Variants in ST7L observed in about 807,000 individuals in gnomAD.
The protein encoded by ST7L is suppression of tumorigenicity 7 like.
In ST7L, 57 loss-of-function variants were observed where a neutral mutation model predicts 72.5. The ratio of observed to expected loss-of-function variants is 0.79; its 90% CI spans 0.64 to 0.98. The LOEUF is 0.98. Ranked by LOEUF, ST7L falls within the 50% of genes least tolerant of loss-of-function variation. The pLI is 0.00. For synonymous variants in ST7L, 221 were observed against 240.9 expected (o/e 0.92, Z 0.77); for missense variants, 576 against 672.2 (o/e 0.86, Z 1.58).
chr1:112,606,740 T>C (rs907558698), intron 3 of ST7L, among the ~76,000 whole-genome samples: 1 of 152,190 alleles, frequency 6.6e-6, no homozygotes, highest in African/African-American at 2.4e-5. Context: ...AAGATCAAGG[T>C]ACTAGAATGG....
At chr1:112,517,850 A>C in the ST7L span, 1 of 156,968 alleles carries the variant, frequency 6.4e-6, no homozygotes, top group Admixed American at 6.1e-5. Context: ...AAAAAAAGAA[A>C]CTAGAATTTA....
In ST7L at chr1:112,556,010, T is replaced by C. The variant is rs147088002; in HGVS notation, c.1254A>G (p.Leu418=). Residue 418 remains leucine (L), a synonymous_variant, in exon 12 of 15, where the codon TTA becomes TTG. Transcript: ENST00000358039. ...EFNPHVPKYL[L]EMKSLILPPE... Reference sequence around the variant, plus strand: ...GAGGTAAAATTAAACTTTTCATCTCTAATAAATACTGAAAGAGTAACACAC... The same window carrying C: ...GAGGTAAAATTAAACTTTTCATCTCCAATAAATACTGAAAGAGTAACACAC... 7.4e-5 allele frequency: 118 copies of C among 1,598,106 alleles called. No homozygotes were observed. The African/African-American group carries it at 1.3e-3, about 17-fold the overall frequency.
rs760263059 is a variant in ST7L, at chr1:112,577,691, A to C, written c.1143-603T>G. Among the ~76,000 whole-genome samples, 24 of 152,172 alleles carry C rather than the reference A, an allele frequency of 1.6e-4. 1 individual carries two copies. The highest frequency in any genetic ancestry group is 4.8e-5 in the African/African-American group (2 of 41,448). On this transcript the variant is annotated intron_variant, in intron 10 of 14. Transcript: ENST00000358039. ...GGAAAGGTAATAAAGTAATAAATGC[A>C]ACACAGTGATATCCAGAGAATCTCA...
Position 112,578,435 on chromosome 1 carries a change from A to C in ST7L, c.1070-18T>G. On this transcript the variant is annotated intron_variant, in intron 9 of 14. Transcript: ENST00000358039. ...GCTTATATCTGTAACGATAATTTTCAATTTAGGTAGGAATTACAAAAAAGG... is the reference window on the plus strand; with the variant it reads ...GCTTATATCTGTAACGATAATTTTCCATTTAGGTAGGAATTACAAAAAAGG... The C allele has an allele frequency of 1.9e-6, 3 of 1,611,286 alleles. No homozygotes were observed. The highest frequency in any genetic ancestry group is 2.5e-6 in the Non-Finnish European group (3 of 1,177,554).
intron 5 of ST7L, among the ~76,000 whole-genome samples, chr1:112,597,129 A>C (rs1447527378): frequency 6.6e-6 from 1 of 152,248 alleles, no homozygotes; most frequent in Non-Finnish European, 1.5e-5. Context: ...TAAATTAACT[A>C]AAGTTACTTC....
rs1225551076 is a variant in ST7L at position 112,578,328 on chromosome 1, G to A, written c.1142+17C>T. 5.0e-6 allele frequency: 8 copies of A among 1,610,006 alleles called. No homozygotes were observed. Among genetic ancestry groups the A allele is most frequent in the Non-Finnish European group, 6.0e-6 (7 of 1,176,418 alleles). ...TTAGCAGTCTTTCCAAATCATTGTA[G>A]TTTTTATAACACGTACTTTTCTGAA... On this transcript the variant is annotated intron_variant, in intron 10 of 14. Transcript: ENST00000358039.
intron 12 of ST7L, among the ~76,000 whole-genome samples, chr1:112,553,233 AACAC>A (rs71584746): frequency 6.0e-5 from 9 of 149,436 alleles, no homozygotes; most frequent in African/African-American, 9.9e-5. Flanking sequence ...CTTTTCTTTA[AACAC>A]ACACACACAC....
intron 11 of ST7L, among the ~76,000 whole-genome samples, chr1:112,568,865 T>TAAATATAA (rs1205660972): frequency 5.5e-5 from 5 of 91,186 alleles, no homozygotes; most frequent in African/African-American, 1.4e-4. Flanking sequence ...AATATAAATA[T>TAAATATAA]ATATATATAT....
At chr1:112,589,572 A>T (rs1213012637) in intron 6 of ST7L, among the ~76,000 whole-genome samples, 1 of 152,186 alleles carries the variant, frequency 6.6e-6, no homozygotes, top group African/African-American at 2.4e-5. Context: ...ACTTTTCTGA[A>T]CCAATTTTAT....
At chr1:112,541,766 A>C in intron 14 of ST7L, 185 bp downstream of exon 14, 1 of 1,311,214 alleles carries the variant, frequency 7.6e-7, no homozygotes, top group Non-Finnish European at 9.7e-7. Flanking sequence ...TTTAAGCAAC[A>C]GAAGTAGCTC....
chr1:112,587,387 A>C (rs1354898999), intron 6 of ST7L, among the ~76,000 whole-genome samples: 1 of 152,146 alleles, frequency 6.6e-6, no homozygotes, highest in Non-Finnish European at 1.5e-5. Context: ...GGATCACCTG[A>C]TGTCAGGAGT....
chr1:112,564,991 C>G (rs991260122), intron 11 of ST7L, among the ~76,000 whole-genome samples: 1 of 151,552 alleles, frequency 6.6e-6, no homozygotes, highest in Admixed American at 6.6e-5. Context: ...ACTTTCTTGG[C>G]AGCATAACAC....
At chr1:112,547,338 G>A (rs535763824) in intron 13 of ST7L, among the ~76,000 whole-genome samples, 4 of 151,658 alleles carry the variant, frequency 2.6e-5, no homozygotes, top group Admixed American at 6.6e-5. Context: ...GATTACAGGC[G>A]CAAGCCACCA....
intron 6 of ST7L, among the ~76,000 whole-genome samples, 176 bp from the exon 7 acceptor site, chr1:112,584,302 T>G (rs1664552495): frequency 6.6e-6 from 1 of 152,124 alleles, no homozygotes; most frequent in East Asian, 1.9e-4. Flanking sequence ...ATATTCTTTA[T>G]GTCTGATTCC....
chr1:112,617,004 C>T, intron 1 of ST7L, 109 bp from the exon 2 acceptor site: 1 of 676,750 alleles, frequency 1.5e-6, no homozygotes, highest in South Asian at 1.8e-5. Context: ...GTATTAATAT[C>T]TAGTGTGAAA....
chr1:112,572,828 C>T (rs1023856425), intron 11 of ST7L, among the ~76,000 whole-genome samples: 1 of 151,126 alleles, frequency 6.6e-6, no homozygotes. Context: ...AGAAGAAAGA[C>T]GAAAATTACA....
upstream of ST7L, chr1:112,619,650 C>T: frequency 1.7e-6 from 1 of 591,698 alleles, no homozygotes; most frequent in African/African-American, 1.9e-5. Flanking sequence ...TCACCTAAGG[C>T]AAACCCTACT....
chr1:112,545,826 T>A (rs1032382520), intron 13 of ST7L, among the ~76,000 whole-genome samples: 1 of 152,186 alleles, frequency 6.6e-6, no homozygotes, highest in African/African-American at 2.4e-5. Flanking sequence ...ACAGTTTTCC[T>A]TAGTGATTTC....
At chr1:112,582,512 TGTA>T in intron 7 of ST7L, 40 bp from the exon 8 acceptor site, 8 of 1,239,504 alleles carry the variant, frequency 6.5e-6, no homozygotes, top group Non-Finnish European at 9.3e-6. Context: ...CTATCACTTT[TGTA>T]TTGTGGGCTG....
Sources: gnomAD v4.1 joint callset for allele counts (sites outside exome capture counted in the v4.1 genomes callset) on GRCh38, gnomAD v4.1.1 for gene constraint, MANE v1.5 for transcripts, NCBI Gene and HGNC (gene_info 2026-07-23, HGNC 2026-07-21) for gene names.